LRRC4C: variants seen among roughly 807,000 people sequenced by gnomAD.
The protein encoded by LRRC4C is leucine-rich repeat-containing protein 4C.
Under a neutral mutation model 33.6 loss-of-function variants are expected in LRRC4C, and 5 were observed. The ratio of observed to expected loss-of-function variants is 0.15; its 90% CI spans 0.08 to 0.31. The LOEUF is 0.31. Among genes scored for constraint, LRRC4C ranks in the 10% least tolerant of loss-of-function variants. The pLI is 1.00. For synonymous variants in LRRC4C, 329 were observed against 302.0 expected, an observed-to-expected ratio of 1.09 and a Z score of -0.93; for missense variants, 560 against 796.7, an observed-to-expected ratio of 0.70 and a Z score of 3.58.
intron 3 of LRRC4C, among the ~76,000 whole-genome samples, chr11:40,424,241 G>A (rs917268597): frequency 2.6e-5 from 4 of 152,152 alleles, no homozygotes; most frequent in African/African-American, 9.7e-5. Context: ...TGGTACTTTA[G>A]TGAAGCGTGA....
At chr11:41,442,433 A>T (rs983615650) in intron 1 of LRRC4C, among the ~76,000 whole-genome samples, 20 of 145,286 alleles carry the variant, frequency 1.4e-4, no homozygotes, top group Middle Eastern at 3.6e-3. Flanking sequence ...TTCAAGACAC[A>T]GTTCTCTCTC....
intron 3 of LRRC4C, among the ~76,000 whole-genome samples, chr11:40,601,036 A>G (rs16934979): frequency 0.04 from 6,014 of 152,252 alleles, 401 homozygotes; most frequent in African/African-American, 0.14. Context: ...TGCTTTCATT[A>G]TGGTAGTCCT....
chr11:40,602,470 G>C (rs1234435792), intron 3 of LRRC4C, among the ~76,000 whole-genome samples: 1 of 151,658 alleles, frequency 6.6e-6, no homozygotes, highest in Non-Finnish European at 1.5e-5. Flanking sequence ...TATATTTTTA[G>C]ACACATAATA....
chr11:41,249,311 G>A (rs1948561362), intron 1 of LRRC4C, among the ~76,000 whole-genome samples: 2 of 152,102 alleles, frequency 1.3e-5, no homozygotes, highest in South Asian at 4.2e-4. Flanking sequence ...TGGGATTACA[G>A]GCGTGAGCCA....
At chr11:41,355,031 G>T (rs1952110206) in intron 1 of LRRC4C, among the ~76,000 whole-genome samples, 1 of 152,070 alleles carries the variant, frequency 6.6e-6, no homozygotes, top group South Asian at 2.1e-4. Context: ...CTCAGCAAAA[G>T]AAACTATCAA....
chr11:41,211,733 T>C (rs757083537), intron 1 of LRRC4C, among the ~76,000 whole-genome samples: 5 of 152,192 alleles, frequency 3.3e-5, no homozygotes, highest in Non-Finnish European at 4.4e-5. Flanking sequence ...TCTATGATTG[T>C]TGGATATTTG....
In LRRC4C at chr11:41,094,850, A is replaced by G. The variant is rs189570238; in HGVS notation, c.-495-161127T>C. ...TAATTTTTTAAACTAGGTGAAAAAA[A>G]TCACAGAGCTTGTTACAGATGATCC... On this transcript the variant is annotated intron_variant, in intron 1 of 6. Coordinates refer to ENST00000528697, the MANE Select transcript of LRRC4C (RefSeq NM_001258419.2). 3.3e-4 allele frequency among the ~76,000 whole-genome samples: 51 copies of G among 152,308 alleles called. 1 individual carries two copies. Among genetic ancestry groups the G allele is most frequent in the African/African-American group, 1.2e-3 (48 of 41,580 alleles).
chr11:41,096,659 G>A (rs912795063), intron 1 of LRRC4C, among the ~76,000 whole-genome samples: 5 of 152,186 alleles, frequency 3.3e-5, no homozygotes, highest in Admixed American at 3.3e-4. Context: ...GGAGAAAGAA[G>A]AGAGGCCAGG....
chr11:40,837,644 A>G (rs1212581919), intron 2 of LRRC4C, among the ~76,000 whole-genome samples: 1 of 146,306 alleles, frequency 6.8e-6, no homozygotes, highest in African/African-American at 2.5e-5. Context: ...GTTTGAGACC[A>G]GCCTGGGAAA....
chr11:40,386,432 T>C (rs779826635), intron 3 of LRRC4C, among the ~76,000 whole-genome samples: 3 of 152,204 alleles, frequency 2.0e-5, no homozygotes, highest in Non-Finnish European at 4.4e-5. Context: ...TCTTTTTCTG[T>C]AATGAGGAGA....
intron 3 of LRRC4C, among the ~76,000 whole-genome samples, chr11:40,360,236 C>A (rs1027623830): frequency 1.3e-4 from 20 of 152,044 alleles, no homozygotes; most frequent in African/African-American, 4.8e-4. Context: ...AATAACAGAG[C>A]CTTCTCCTTG....
At chr11:40,746,674 T>A (rs984058673) in intron 2 of LRRC4C, among the ~76,000 whole-genome samples, 2 of 152,124 alleles carry the variant, frequency 1.3e-5, no homozygotes, top group Admixed American at 1.3e-4. Flanking sequence ...AGGCTATGTA[T>A]GCTCCATCCC....
At chr11:40,484,778 G>A (rs529950115) in intron 3 of LRRC4C, among the ~76,000 whole-genome samples, 1 of 152,084 alleles carries the variant, frequency 6.6e-6, no homozygotes, top group African/African-American at 2.4e-5. Context: ...TTCTGTGTAA[G>A]TCATATGCAG....
chr11:40,290,716 T>G (rs1045414776), intron 4 of LRRC4C, among the ~76,000 whole-genome samples: 3 of 152,174 alleles, frequency 2.0e-5, no homozygotes, highest in Non-Finnish European at 4.4e-5. Context: ...ATCTTATTTT[T>G]TTTTAAATGG....
At chr11:41,023,253 C>T (rs1434361085) in intron 1 of LRRC4C, among the ~76,000 whole-genome samples, 2 of 151,456 alleles carry the variant, frequency 1.3e-5, no homozygotes, top group East Asian at 3.9e-4. Flanking sequence ...GAAACAAACC[C>T]TCCTAACATA....
chr11:41,037,877 C>A (rs1207855666), intron 1 of LRRC4C, among the ~76,000 whole-genome samples: 1 of 152,158 alleles, frequency 6.6e-6, no homozygotes, highest in Non-Finnish European at 1.5e-5. Flanking sequence ...TGTAAGTATG[C>A]ATTCATGTTT....
At chr11:40,955,440 A>G (rs944945665) in intron 1 of LRRC4C, among the ~76,000 whole-genome samples, 1 of 151,784 alleles carries the variant, frequency 6.6e-6, no homozygotes, top group Non-Finnish European at 1.5e-5. Context: ...GGGGGGGAAA[A>G]ACACAAAAAT....
At chr11:40,607,239 T>TG (rs1378201468) in intron 3 of LRRC4C, among the ~76,000 whole-genome samples, 2 of 152,116 alleles carry the variant, frequency 1.3e-5, no homozygotes, top group Non-Finnish European at 2.9e-5. Context: ...TGGTACAGGA[T>TG]GGGGGAAGGG....
intron 4 of LRRC4C, among the ~76,000 whole-genome samples, chr11:40,249,755 C>T (rs1488708698): frequency 6.6e-6 from 1 of 151,990 alleles, no homozygotes; most frequent in African/African-American, 2.4e-5. Context: ...CCAGGACTCT[C>T]TCGCTTTTTT....
Sources: allele counts gnomAD v4.1 joint callset (sites outside exome capture counted in the v4.1 genomes callset), GRCh38; gene constraint gnomAD v4.1.1; transcripts MANE v1.5; gene names NCBI Gene and HGNC (gene_info 2026-07-23, HGNC 2026-07-21).